C1orf167: variants seen among roughly 807,000 people sequenced by gnomAD.
The protein encoded by C1orf167 is chromosome 1 open reading frame 167, also known as uncharacterized protein C1orf167.
In C1orf167, 153 loss-of-function variants were observed where a neutral mutation model predicts 176.5. The ratio of observed to expected loss-of-function variants is 0.87; its 90% confidence interval spans 0.76 to 0.99. The LOEUF is 0.99. Ranked by LOEUF, C1orf167 falls within the 50% of genes least tolerant of loss-of-function variation. C1orf167 has a pLI of 0.00. For synonymous variants in C1orf167, 594 were observed against 752.7 expected (o/e 0.79, Z 3.45); for missense variants, 1,490 against 1,817.7 (o/e 0.82, Z 3.28).
At chr1:11,772,929 C>A (rs1049222297) in intron 8 of C1orf167, among the ~76,000 whole-genome samples, 1 of 28,634 alleles carries the variant, frequency 3.5e-5, no homozygotes, top group South Asian at 9.5e-4. Context: ...GACGGAGTCT[C>A]GCTCTGTCAC....
At chr1:11,781,435 G>C (rs573335387) in intron 13 of C1orf167, among the ~76,000 whole-genome samples, 2 of 152,320 alleles carry the variant, frequency 1.3e-5, no homozygotes, top group African/African-American at 4.8e-5. Flanking sequence ...ACAGGATGCT[G>C]TCTTGGAGGC....
Position 11,779,829 on chromosome 1 carries a change from A to G in C1orf167, c.2679A>G (p.Ala893=). 7.7e-7 allele frequency: 1 copy of G among 1,302,574 alleles called. No homozygotes were observed. Among genetic ancestry groups the G allele is most frequent in the Non-Finnish European group, 1.0e-6 (1 of 988,424 alleles). 80.7% of individuals were successfully genotyped at this position (1,302,574 alleles called of 1,614,324 possible). The change falls in exon 13 of 21, where the codon GCA becomes GCG. Residue 893 remains alanine (A), a synonymous_variant. Coordinates refer to ENST00000688073, the MANE Select transcript of C1orf167 (RefSeq NM_001010881.2). ...RRIFLSWSRW[A]TAQWAWRELA... is the part of the protein sequence containing the mutation. ...TCTTCCTCAGCTGGAGCCGCTGGGC[A>G]ACAGCCCAATGGGCCTGGAGAGAGC...
chr1:11,776,503 G>T lies in C1orf167; in HGVS notation c.2204G>T (p.Gly735Val). 7.7e-7 allele frequency: 1 copy of T among 1,301,534 alleles called. No individual in the cohort carries two copies. The highest frequency in any genetic ancestry group is 1.0e-6 in the Non-Finnish European group (1 of 987,846). The allele number at this position is 1,301,534 out of a possible 1,614,324, so 80.6% of individuals were successfully genotyped here. A position where few individuals can be genotyped will look rare whatever the true frequency, so the allele number is the denominator to read the frequency against. Residue 735 changes from glycine to valine, a missense_variant, in exon 10 of 21, where the codon GGC becomes GTC. Physicochemically the swap from Gly to Val is moderately radical, Grantham distance 109 (BLOSUM62 -3). Transcript: ENST00000688073. ...TACACCGCAGGCCCTGGAGCCTGTG[G>T]CCTGGGTGCAGTGGGCCAGGCCCAG... Reference protein sequence around the residue: ...AVYTAGPGACGLGAVGQAQGQ... With the variant: ...AVYTAGPGACVLGAVGQAQGQ...
chr1:11,788,669 G>A lies in C1orf167; in HGVS notation c.4096G>A (p.Glu1366Lys), dbSNP rs1242758216. ...GADPAQGVAP[E>K]MGLADVVAAD... ...CCCCAAAGCTCAGGGAGTGGCACCTGAGATGGGCCTGGCAGACGTGGTGGC... is the reference window on the plus strand; with the variant it reads ...CCCCAAAGCTCAGGGAGTGGCACCTAAGATGGGCCTGGCAGACGTGGTGGC... The change falls in exon 20 of 21, where the codon GAG (glutamate) becomes AAG (lysine). Residue 1366 changes from glutamate (E) to lysine (K), a missense_variant. Physicochemically the swap from Glu to Lys is moderately conservative, Grantham distance 56. Transcript: ENST00000688073. 7.7e-7 allele frequency: 1 copy of A among 1,304,202 alleles called. No homozygotes were observed. Among genetic ancestry groups the A allele is most frequent in the Non-Finnish European group, 1.0e-6 (1 of 988,964 alleles). The allele number at this position is 1,304,202 out of a possible 1,614,324, so 80.8% of individuals were successfully genotyped here.
chr1:11,788,305 A>C lies in C1orf167; in HGVS notation c.4005A>C (p.Ala1335=). 7.7e-7 allele frequency: 1 copy of C among 1,303,206 alleles called. No individual in the cohort carries two copies. Among genetic ancestry groups the C allele is most frequent in the Non-Finnish European group, 1.0e-6 (1 of 988,356 alleles). The allele number at this position is 1,303,206 out of a possible 1,614,324, so 80.7% of individuals were successfully genotyped here. ...GTASRAAGFP[A]GQVPGSGMAA... Reference sequence around the variant, plus strand: ...CTTCACGGGCTGCGGGGTTCCCAGCAGGCCAGGTGCCTGGCAGTGGCATGG... The same window carrying C: ...CTTCACGGGCTGCGGGGTTCCCAGCCGGCCAGGTGCCTGGCAGTGGCATGG... Residue 1335 remains alanine, a synonymous_variant, in exon 19 of 21, where the codon GCA becomes GCC. Coordinates refer to ENST00000688073, the MANE Select transcript of C1orf167 (RefSeq NM_001010881.2).
At position 11,776,632 on chromosome 1, in the gene C1orf167, G is replaced by A; in HGVS notation, c.2333G>A (p.Trp778Ter). The change falls in exon 10 of 21, where the codon TGG (tryptophan) becomes TAG (stop). Residue 778 changes from tryptophan (W) to a stop codon, truncating the protein, a stop_gained. Transcript: ENST00000688073. LOFTEE classifies it high-confidence loss of function. ...LWKMRLFQRQ[W>*]ANSFFQGLQQ... ...AAGATGCGGCTTTTCCAGCGCCAGTGGGCCAAGTAGGTGTCCTCGAGCTTG... is the reference window on the plus strand; with the variant it reads ...AAGATGCGGCTTTTCCAGCGCCAGTAGGCCAAGTAGGTGTCCTCGAGCTTG... 2 of 1,197,278 alleles carry A rather than the reference G, an allele frequency of 1.7e-6. No homozygotes were observed. Among genetic ancestry groups the A allele is most frequent in the Non-Finnish European group, 2.1e-6 (2 of 937,752 alleles). The allele number at this position is 1,197,278 out of a possible 1,614,324, so 74.2% of individuals were successfully genotyped here.
rs1188771345 is a variant in C1orf167, at chr1:11,789,535, G to C, written c.*89G>C. The C allele has an allele frequency of 8.5e-7, 1 of 1,170,872 alleles. No individual in the cohort carries two copies. Among genetic ancestry groups the C allele is most frequent in the Non-Finnish European group, 1.1e-6 (1 of 892,990 alleles). 72.5% of individuals were successfully genotyped at this position (1,170,872 alleles called of 1,614,324 possible). On this transcript the variant is annotated 3_prime_UTR_variant, in exon 21 of 21. Transcript: ENST00000688073. ...ACACATCCAGGGAGTGATGACAGAGGGGACAGCTTGAAGAGCTCTGAAGGA... is the reference window on the plus strand; with the variant it reads ...ACACATCCAGGGAGTGATGACAGAGCGGACAGCTTGAAGAGCTCTGAAGGA...
Position 11,764,384 on chromosome 1 carries a change from C to G in C1orf167, c.-17C>G. ...CTCACTGTGGAGTGGACCAAGGATA[C>G]TCCTGTCCCTGAGCCCATGGAGCTA... On this transcript the variant is annotated 5_prime_UTR_variant, in exon 2 of 21. Transcript: ENST00000688073. 7.8e-7 allele frequency: 1 copy of G among 1,289,120 alleles called. No homozygotes were observed. Among genetic ancestry groups the G allele is most frequent in the Non-Finnish European group, 1.0e-6 (1 of 988,580 alleles). 79.9% of individuals were successfully genotyped at this position (1,289,120 alleles called of 1,614,324 possible). A position where few individuals can be genotyped will look rare whatever the true frequency, so the allele number is the denominator to read the frequency against.
chr1:11,764,130 G>A (rs1347206541), intron 1 of C1orf167, among the ~76,000 whole-genome samples: 1 of 152,162 alleles, frequency 6.6e-6, no homozygotes, highest in Non-Finnish European at 1.5e-5. Flanking sequence ...GGCAGCATTT[G>A]ACCTGGACAC....
At chr1:11,780,115 G>C in intron 13 of C1orf167, 105 bp downstream of exon 13, 3 of 867,726 alleles carry the variant, frequency 3.5e-6, no homozygotes, top group Non-Finnish European at 4.6e-6. Flanking sequence ...AACCGCATGG[G>C]AGAACTTGAG....
At chr1:11,773,440 G>A (rs1049089027) in intron 8 of C1orf167, among the ~76,000 whole-genome samples, 3 of 151,910 alleles carry the variant, frequency 2.0e-5, no homozygotes, top group African/African-American at 7.2e-5. Context: ...GGGCGCGGTG[G>A]CTCATGCCTG....
intron 14 of C1orf167, among the ~76,000 whole-genome samples, chr1:11,783,651 G>C (rs1482112415): frequency 6.6e-6 from 1 of 152,146 alleles, no homozygotes; most frequent in African/African-American, 2.4e-5. Flanking sequence ...GCTGATGTGG[G>C]ACTTGAACCC....
Position 11,764,636 on chromosome 1 carries a change from G to A in C1orf167, c.70+166G>A, listed in dbSNP as rs556449380. On this transcript the variant is annotated intron_variant, in intron 2 of 20. Transcript: ENST00000688073. ...ATAGGACAGAGTCTTCCCAGCCTGG[G>A]GCCTAAGGAGGGGGGTCTTGGGAGA... is the stretch of plus-strand genomic sequence containing the variant. Among the ~76,000 whole-genome samples, 327 of 152,344 alleles carry A rather than the reference G, an allele frequency of 2.1e-3. 2 individuals are homozygous for A. The highest frequency in any genetic ancestry group is 2.4e-3 in the Non-Finnish European group (160 of 68,030).
chr1:11,775,644 G>T (rs1293790756), intron 9 of C1orf167, 34 bp downstream of exon 9: 2 of 1,283,950 alleles, frequency 1.6e-6, no homozygotes, highest in Non-Finnish European at 2.0e-6. Flanking sequence ...CCAGCAAACC[G>T]TGTCACTTAA....
intron 19 of C1orf167, 63 bp downstream of exon 19, chr1:11,788,441 C>T: frequency 8.1e-7 from 1 of 1,241,352 alleles, no homozygotes; most frequent in Non-Finnish European, 1.1e-6. Flanking sequence ...TTAACCCAAA[C>T]CCCTCTCAAA....
rs1362617974 is a variant in C1orf167 at position 11,775,454 on chromosome 1, C to T, written c.2008C>T (p.Gln670Ter). The change falls in exon 9 of 21, where the codon CAG (glutamine) becomes TAG (stop). Residue 670 changes from glutamine to a stop codon, truncating the protein, a stop_gained. Transcript: ENST00000688073. LOFTEE classifies it high-confidence loss of function. ...WLCRCFGAWQ[Q>*]FVQRGSRYRD... ...TCCCAGGTGCTTCGGGGCGTGGCAG[C>T]AGTTCGTGCAAAGAGGGTCCCGGTA... is the stretch of plus-strand genomic sequence containing the variant. 2.3e-6 allele frequency: 3 copies of T among 1,301,412 alleles called. No individual in the cohort carries two copies. Among genetic ancestry groups the T allele is most frequent in the South Asian group, 2.5e-5 (2 of 80,680 alleles). 80.6% of individuals were successfully genotyped at this position (1,301,412 alleles called of 1,614,324 possible).
intron 9 of C1orf167, 35 bp downstream of exon 9, chr1:11,775,645 T>C: frequency 7.8e-7 from 1 of 1,283,502 alleles, no homozygotes; most frequent in Non-Finnish European, 1.0e-6. Context: ...CAGCAAACCG[T>C]GTCACTTAAG....
chr1:11,771,187 C>T (rs114951726), intron 6 of C1orf167, among the ~76,000 whole-genome samples: 13 of 146,518 alleles, frequency 8.9e-5, no homozygotes, highest in Admixed American at 6.3e-4. Flanking sequence ...CTAAAGTCCT[C>T]GGATTACAGG....
chr1:11,764,271 T>G, intron 1 of C1orf167, 60 bp from the exon 2 acceptor site: 1 of 619,460 alleles, frequency 1.6e-6, no homozygotes, highest in Non-Finnish European at 2.6e-6. Context: ...AGGGAGGAGG[T>G]AGGGATCAGA....
Sources: gnomAD v4.1 joint callset for allele counts (sites outside exome capture counted in the v4.1 genomes callset) on GRCh38, gnomAD v4.1.1 for gene constraint, MANE v1.5 for transcripts, NCBI Gene and HGNC (gene_info 2026-07-23, HGNC 2026-07-21) for gene names.